Variants in RASEF observed in about 807,000 individuals in gnomAD.
The protein encoded by RASEF is RAS and EF-hand domain containing.
RASEF carries 68 observed loss-of-function variants against 90.1 expected under a neutral mutation model. The ratio of observed to expected loss-of-function variants is 0.75; its 90% CI spans 0.62 to 0.92. RASEF has a LOEUF of 0.92. Among genes scored for constraint, RASEF ranks in the 40% least tolerant of loss-of-function variants. The pLI, the probability that RASEF is intolerant of heterozygous loss-of-function variation, is 0.00. For synonymous variants in RASEF, 331 were observed against 345.2 expected, an observed-to-expected ratio of 0.96 and a Z score of 0.46; for missense variants, 949 against 937.2, an observed-to-expected ratio of 1.01 and a Z score of -0.16.
At chr9:83,152,240 C>A in the RASEF span, among the ~76,000 whole-genome samples, 1 of 152,164 alleles carries the variant, frequency 6.6e-6, no homozygotes, top group Non-Finnish European at 1.5e-5. Context: ...AATGTGTGGC[C>A]TTAATCAAAT....
At chr9:83,021,256 A>C (rs2118555236) in intron 3 of RASEF, among the ~76,000 whole-genome samples, 1 of 152,292 alleles carries the variant, frequency 6.6e-6, no homozygotes, top group Non-Finnish European at 1.5e-5. Flanking sequence ...GGAATAACAA[A>C]GGCTCAGAGG....
the RASEF span, among the ~76,000 whole-genome samples, chr9:83,155,400 G>T: frequency 6.6e-6 from 1 of 152,188 alleles, no homozygotes; most frequent in Admixed American, 6.5e-5. Context: ...GGCAGAAGGT[G>T]AAAGGCATGC....
chr9:83,066,274 C>T (rs1830281675), upstream of RASEF, among the ~76,000 whole-genome samples: 1 of 152,162 alleles, frequency 6.6e-6, no homozygotes, highest in Non-Finnish European at 1.5e-5. Flanking sequence ...CAAACCATTT[C>T]CCAGCTTAAG....
intron 1 of RASEF, among the ~76,000 whole-genome samples, chr9:83,053,440 C>G (rs1263680353): frequency 7.9e-6 from 1 of 126,184 alleles, no homozygotes; most frequent in East Asian, 2.4e-4. Flanking sequence ...ATGTGTGTCT[C>G]TGCACGTGAG....
At chr9:83,001,691 A>G (rs1357134817) in intron 9 of RASEF, among the ~76,000 whole-genome samples, 1 of 152,228 alleles carries the variant, frequency 6.6e-6, no homozygotes, top group African/African-American at 2.4e-5. Context: ...CATGAAGAAG[A>G]CCACATCCTC....
the RASEF span, among the ~76,000 whole-genome samples, chr9:83,109,964 T>C: frequency 6.6e-6 from 1 of 152,216 alleles, no homozygotes; most frequent in Non-Finnish European, 1.5e-5. Flanking sequence ...TTCCAATTTT[T>C]GTATCAATTT....
chr9:83,104,221 T>C, the RASEF span, among the ~76,000 whole-genome samples: 1 of 152,196 alleles, frequency 6.6e-6, no homozygotes, highest in South Asian at 2.1e-4. Context: ...TACGTAAGAA[T>C]TTCCTTAAGC....
At chr9:83,131,078 G>A in the RASEF span, among the ~76,000 whole-genome samples, 56 of 152,196 alleles carry the variant, frequency 3.7e-4, no homozygotes, top group Non-Finnish European at 3.4e-4. Flanking sequence ...AAGTGAAACA[G>A]TCAGACAACG....
chr9:83,029,423 C>A (rs1281593904), intron 1 of RASEF, among the ~76,000 whole-genome samples: 1 of 147,174 alleles, frequency 6.8e-6, no homozygotes, highest in Non-Finnish European at 1.5e-5. Flanking sequence ...AACTGAGTCT[C>A]GCTCTGTCAC....
At chr9:83,117,621 C>A in the RASEF span, among the ~76,000 whole-genome samples, 1 of 152,308 alleles carries the variant, frequency 6.6e-6, no homozygotes, top group East Asian at 1.9e-4. Context: ...GAAGTCAAAT[C>A]TCATCAGTCT....
chr9:83,087,322 G>A, the RASEF span, among the ~76,000 whole-genome samples: 7 of 152,128 alleles, frequency 4.6e-5, no homozygotes, highest in African/African-American at 1.7e-4. Context: ...GTGAGGTCAT[G>A]ACAGTGGGAG....
the RASEF span, among the ~76,000 whole-genome samples, chr9:83,158,651 A>T: frequency 1.6e-3 from 7 of 4,478 alleles, no homozygotes; most frequent in East Asian, 0.017. Context: ...TATATGTCCA[A>T]ATATATACAT....
chr9:83,138,391 T>A, the RASEF span, among the ~76,000 whole-genome samples: 3 of 152,300 alleles, frequency 2.0e-5, no homozygotes, highest in Non-Finnish European at 4.4e-5. Context: ...GAAGTAATCA[T>A]GCTGTCAAGC....
chr9:83,084,168 G>T, the RASEF span, among the ~76,000 whole-genome samples: 1 of 151,990 alleles, frequency 6.6e-6, no homozygotes, highest in Non-Finnish European at 1.5e-5. Flanking sequence ...CTGTAATAGT[G>T]CCATATCTTT....
At chr9:83,094,090 G>T in the RASEF span, among the ~76,000 whole-genome samples, 32 of 152,018 alleles carry the variant, frequency 2.1e-4, no homozygotes, top group Non-Finnish European at 4.7e-4. Context: ...ACTTAACCAT[G>T]AAACTATTTG....
At chr9:83,006,104 CCA>C (rs1829125704) in intron 7 of RASEF, among the ~76,000 whole-genome samples, 1 of 152,216 alleles carries the variant, frequency 6.6e-6, no homozygotes, top group African/African-American at 2.4e-5. Flanking sequence ...AGCTCCTACA[CCA>C]CAGAGTGGCT....
chr9:83,073,745 A>G, the RASEF span, among the ~76,000 whole-genome samples: 7 of 152,326 alleles, frequency 4.6e-5, no homozygotes, highest in Non-Finnish European at 7.3e-5. Flanking sequence ...TTCTCTCATG[A>G]TATGTTGAGT....
the RASEF span, among the ~76,000 whole-genome samples, chr9:83,208,988 T>C: frequency 6.6e-6 from 1 of 152,232 alleles, no homozygotes; most frequent in Non-Finnish European, 1.5e-5. Flanking sequence ...ATTTATAACA[T>C]GACTCAGCTT....
At chr9:83,205,990 C>A in the RASEF span, among the ~76,000 whole-genome samples, 1 of 152,162 alleles carries the variant, frequency 6.6e-6, no homozygotes, top group Non-Finnish European at 1.5e-5. Context: ...CTTCACTTTT[C>A]ATATTAAGCA....
Sources: gnomAD v4.1 joint callset for allele counts (sites outside exome capture counted in the v4.1 genomes callset) on GRCh38, gnomAD v4.1.1 for gene constraint, MANE v1.5 for transcripts, NCBI Gene and HGNC (gene_info 2026-07-23, HGNC 2026-07-21) for gene names.